Variants in STXBP5L observed in about 807,000 individuals in gnomAD.
STXBP5L encodes the protein syntaxin-binding protein 5-like.
In STXBP5L, 65 loss-of-function variants were observed where a neutral mutation model predicts 144.5. That is an observed-to-expected ratio of 0.45 (90% CI 0.37 to 0.55). The LOEUF (loss-of-function observed/expected upper bound fraction) is 0.55, where lower values mean the gene tolerates loss of function less well. Among genes scored for constraint, STXBP5L ranks in the 20% least tolerant of loss-of-function variants. The pLI is 0.00. For missense variants in STXBP5L, 1,298 were observed against 1,405.5 expected (o/e 0.92, Z 1.22); for synonymous variants, 505 against 469.6 (o/e 1.08, Z -0.97).
intron 22 of STXBP5L, among the ~76,000 whole-genome samples, chr3:121,399,184 A>C (rs1380251943): frequency 1.3e-5 from 2 of 152,118 alleles, no homozygotes; most frequent in Non-Finnish European, 2.9e-5. Context: ...AAAAGTTCCA[A>C]GGTGGAATGA....
chr3:121,215,376 G>A (rs2048738827), intron 10 of STXBP5L, among the ~76,000 whole-genome samples: 2 of 152,134 alleles, frequency 1.3e-5, no homozygotes, highest in Admixed American at 1.3e-4. Flanking sequence ...CTTTCATCAG[G>A]AGCTCTTGTA....
chr3:121,199,456 A>G (rs1045978504), intron 9 of STXBP5L, among the ~76,000 whole-genome samples: 1 of 152,074 alleles, frequency 6.6e-6, no homozygotes, highest in Non-Finnish European at 1.5e-5. Flanking sequence ...CTCTTTTCCT[A>G]ACTGAATACC....
chr3:121,357,609 G>T (rs761677459), intron 20 of STXBP5L: 8 of 152,190 alleles, frequency 5.3e-5, no homozygotes, highest in Non-Finnish European at 1.2e-4. Context: ...ATAGCAACAT[G>T]TTCTTTACTG....
At chr3:120,987,244 G>A (rs1312719573) in intron 3 of STXBP5L, among the ~76,000 whole-genome samples, 1 of 152,064 alleles carries the variant, frequency 6.6e-6, no homozygotes, top group African/African-American at 2.4e-5. Context: ...CACCAGCAGT[G>A]TATGAATGGT....
rs1179453679 is a variant in STXBP5L at position 121,418,597 on chromosome 3, G to GT, written c.3447+41dup. ...TAAATACAGACATCTTCATACAGGAGTAACTTTAAACATTTAGGATCTGCA... is the reference window on the plus strand; with the variant it reads ...TAAATACAGACATCTTCATACAGGAGTTAACTTTAAACATTTAGGATCTGCA... On this transcript the variant is annotated intron_variant, in intron 26 of 26. Coordinates refer to ENST00000471454, the MANE Select transcript of STXBP5L (RefSeq NM_001308330.2). The GT allele has an allele frequency of 7.6e-6, 12 of 1,589,128 alleles. No individual in the cohort carries two copies. The Admixed American group carries it at 1.9e-4, about 25-fold the overall frequency.
intron 19 of STXBP5L, among the ~76,000 whole-genome samples, chr3:121,284,880 T>G (rs772231157): frequency 6.6e-6 from 1 of 152,120 alleles, no homozygotes; most frequent in Non-Finnish European, 1.5e-5. Flanking sequence ...TCAGATTTCC[T>G]AAAAGTCTTC....
chr3:121,078,923 A>C (rs2042141269), intron 5 of STXBP5L, among the ~76,000 whole-genome samples: 1 of 152,128 alleles, frequency 6.6e-6, no homozygotes, highest in African/African-American at 2.4e-5. Context: ...CCCAGTTCCC[A>C]CTTATGCCTC....
chr3:120,994,232 C>T (rs1013639262), intron 3 of STXBP5L, among the ~76,000 whole-genome samples: 1 of 151,962 alleles, frequency 6.6e-6, no homozygotes, highest in African/African-American at 2.4e-5. Flanking sequence ...ATTATTTCTG[C>T]AAAGGGACAG....
At chr3:121,301,306 G>A (rs1008641576) in intron 19 of STXBP5L, among the ~76,000 whole-genome samples, 4 of 152,100 alleles carry the variant, frequency 2.6e-5, no homozygotes, top group African/African-American at 4.8e-5. Context: ...TGTCTTTGAA[G>A]CAATTGTGAA....
At chr3:121,306,493 A>T (rs1013024722) in intron 19 of STXBP5L, among the ~76,000 whole-genome samples, 1 of 152,162 alleles carries the variant, frequency 6.6e-6, no homozygotes, top group East Asian at 1.9e-4. Flanking sequence ...AGACCAGAGG[A>T]TACCACCTTT....
At chr3:121,148,700 C>A (rs1258920031) in intron 7 of STXBP5L, among the ~76,000 whole-genome samples, 1 of 151,986 alleles carries the variant, frequency 6.6e-6, no homozygotes, top group Admixed American at 6.6e-5. Flanking sequence ...TTGGTATAAC[C>A]ACTTTGGAAA....
At chr3:121,021,777 A>G (rs1445426322) in intron 3 of STXBP5L, among the ~76,000 whole-genome samples, 1 of 152,202 alleles carries the variant, frequency 6.6e-6, no homozygotes, top group Non-Finnish European at 1.5e-5. Context: ...TGCTAAGAGG[A>G]AAGTTCATAG....
chr3:121,279,449 T>C (rs1323445072), intron 18 of STXBP5L, among the ~76,000 whole-genome samples: 2 of 152,068 alleles, frequency 1.3e-5, no homozygotes, highest in Non-Finnish European at 2.9e-5. Context: ...CATCTTTAGC[T>C]AGTGACATTT....
chr3:120,909,504 T>C (rs185192339), intron 1 of STXBP5L, 67 bp from the exon 2 acceptor site: 48 of 1,375,420 alleles, frequency 3.5e-5, no homozygotes, highest in Admixed American at 1.5e-4. Context: ...AGAAAGGCTT[T>C]TACCAAGGTC....
At chr3:121,103,139 T>C (rs1016803411) in intron 5 of STXBP5L, among the ~76,000 whole-genome samples, 4 of 152,170 alleles carry the variant, frequency 2.6e-5, no homozygotes, top group African/African-American at 9.6e-5. Flanking sequence ...GAAAGCAGTT[T>C]GGAGATTTCA....
intron 5 of STXBP5L, among the ~76,000 whole-genome samples, chr3:121,065,375 A>G (rs558405364): frequency 6.6e-6 from 1 of 152,100 alleles, no homozygotes; most frequent in East Asian, 1.9e-4. Context: ...ATATATATTC[A>G]TACATATTTA....
At chr3:121,312,372 T>C (rs1454091652) in intron 19 of STXBP5L, among the ~76,000 whole-genome samples, 119 of 118,246 alleles carry the variant, frequency 1.0e-3, no homozygotes, top group Non-Finnish European at 1.8e-3. Flanking sequence ...GAGCTTCTTT[T>C]TTTTTTTTTT....
At chr3:121,054,555 C>G (rs1948301989) in intron 5 of STXBP5L, among the ~76,000 whole-genome samples, 1 of 127,534 alleles carries the variant, frequency 7.8e-6, no homozygotes, top group Non-Finnish European at 1.5e-5. Flanking sequence ...CACATGGACA[C>G]AGGAAGGGGA....
At chr3:120,964,716 G>C (rs182483194) in intron 3 of STXBP5L, among the ~76,000 whole-genome samples, 1 of 152,208 alleles carries the variant, frequency 6.6e-6, no homozygotes, top group Non-Finnish European at 1.5e-5. Flanking sequence ...TGAAACAAGT[G>C]TGATGTGGTG....
Sources: allele counts gnomAD v4.1 joint callset (sites outside exome capture counted in the v4.1 genomes callset), GRCh38; gene constraint gnomAD v4.1.1; transcripts MANE v1.5; gene names NCBI Gene and HGNC (gene_info 2026-07-23, HGNC 2026-07-21).